ENPP1: variants seen among roughly 807,000 people sequenced by gnomAD.
ENPP1 encodes ectonucleotide pyrophosphatase/phosphodiesterase 1, also known as ectonucleotide pyrophosphatase/phosphodiesterase family member 1.
In ENPP1, 73 loss-of-function variants were observed where a neutral mutation model predicts 122.8. The observed-to-expected ratio is 0.59, with a 90% CI of 0.49 to 0.72. ENPP1 has a LOEUF of 0.72. ENPP1 is among the 30% of genes least tolerant of loss of function. The pLI, the probability that ENPP1 is intolerant of heterozygous loss-of-function variation, is 0.00. For synonymous variants in ENPP1, 367 were observed against 391.6 expected, an observed-to-expected ratio of 0.94 and a Z score of 0.74; for missense variants, 978 against 1,128.1, an observed-to-expected ratio of 0.87 and a Z score of 1.91.
rs151176161 is a variant in ENPP1 at position 131,880,062 on chromosome 6, G to A, written c.2100+28G>A. 5.0e-5 allele frequency: 80 copies of A among 1,606,024 alleles called. No individual in the cohort carries two copies. In the East Asian group the frequency reaches 1.7e-3, roughly 35 times the overall value. The stretch of plus-strand genomic sequence containing the variant: ...AAGTATTTGTCACCTCTTTATGTGT[G>A]GCCATTTCAAATTAATGATTAAGCA... On this transcript the variant is annotated intron_variant, in intron 20 of 24. Transcript: ENST00000647893.
At chr6:131,867,988 T>A in intron 11 of ENPP1, 30 bp from the exon 12 acceptor site, 3 of 1,325,310 alleles carry the variant, frequency 2.3e-6, no homozygotes, top group Non-Finnish European at 3.3e-6. Context: ...GTGGAAGGTA[T>A]CACATGAGGT....
At chr6:131,882,784 G>A (rs1782329855) in intron 21 of ENPP1, among the ~76,000 whole-genome samples, 1 of 151,394 alleles carries the variant, frequency 6.6e-6, no homozygotes, top group African/African-American at 2.4e-5. Context: ...TTTTTGTTGG[G>A]AGGGTAGTTG....
chr6:131,882,383 C>T lies in ENPP1; in HGVS notation c.2139C>T (p.Tyr713=). The T allele has an allele frequency of 1.2e-6, 2 of 1,605,104 alleles. No homozygotes were observed. Among genetic ancestry groups the T allele is most frequent in the African/African-American group, 1.3e-5 (1 of 74,638 alleles). ...CGGAAGACTTCTCCAACTGTCTGTACCAGGACTTTAGAATTCCTCTTAGTC... is the reference window on the plus strand; with the variant it reads ...CGGAAGACTTCTCCAACTGTCTGTATCAGGACTTTAGAATTCCTCTTAGTC... ...FSTEDFSNCL[Y]QDFRIPLSPV... The change falls in exon 21 of 25, where the codon TAC becomes TAT. Residue 713 remains tyrosine (Y), a synonymous_variant. Coordinates refer to ENST00000647893, the MANE Select transcript of ENPP1 (RefSeq NM_006208.3).
At position 131,890,366 on chromosome 6, in the gene ENPP1, T is replaced by C. The variant is rs754251347; in HGVS notation, c.2633T>C (p.Val878Ala). Residue 878 changes from valine (V) to alanine (A), a missense_variant, in exon 25 of 25, where the codon GTT becomes GCT. Coordinates refer to ENST00000647893, the MANE Select transcript of ENPP1 (RefSeq NM_006208.3). ...CVHGKHDSSW[V>A]EELLMLHRAR... ...CATGGGAAGCATGACTCCTCATGGG[T>C]TGAAGAATTGTTAATGTTACACAGA... is the stretch of plus-strand genomic sequence containing the variant. The C allele has an allele frequency of 2.9e-5, 47 of 1,613,896 alleles. No individual in the cohort carries two copies. Among genetic ancestry groups the C allele is most frequent in the Admixed American group, 2.7e-4 (16 of 60,014 alleles).
intron 1 of ENPP1, among the ~76,000 whole-genome samples, chr6:131,810,840 G>A (rs114152787): frequency 0.015 from 2,298 of 152,236 alleles, 68 homozygotes; most frequent in African/African-American, 0.053. Context: ...GTGGATGAAG[G>A]AGTGAGGATT....
chr6:131,812,848 G>T (rs983941556), intron 1 of ENPP1, among the ~76,000 whole-genome samples: 1 of 150,844 alleles, frequency 6.6e-6, no homozygotes. Context: ...CATATTCAGA[G>T]ATTTTTTTTT....
At chr6:131,809,339 C>T (rs1169008601) in intron 1 of ENPP1, among the ~76,000 whole-genome samples, 1 of 151,988 alleles carries the variant, frequency 6.6e-6, no homozygotes, top group African/African-American at 2.4e-5. Context: ...TATGCATTTC[C>T]ATTTTCACTA....
At chr6:131,810,457 C>CA (rs1407748393) in intron 1 of ENPP1, among the ~76,000 whole-genome samples, 15 of 147,230 alleles carry the variant, frequency 1.0e-4, no homozygotes, top group Admixed American at 7.5e-4. Context: ...CGCCCCCCCC[C>CA]CAAAAACTTC....
intron 4 of ENPP1, 30 bp downstream of exon 4, chr6:131,851,297 C>G (rs748460070): frequency 1.2e-6 from 2 of 1,613,836 alleles, no homozygotes; most frequent in Non-Finnish European, 1.7e-6. Flanking sequence ...CTGCAGCAGC[C>G]TGGTATCTTC....
In ENPP1 at chr6:131,823,976, T is replaced by C. The variant is rs149347330; in HGVS notation, c.240+15701T>C. 5.2e-3 allele frequency among the ~76,000 whole-genome samples: 787 copies of C among 150,666 alleles called. 7 individuals carry two copies. The highest frequency in any genetic ancestry group is 0.018 in the African/African-American group (727 of 40,900). On this transcript the variant is annotated intron_variant, in intron 1 of 24. Transcript: ENST00000647893. ...AGAGTGCCTGATACTAGATGGTAGA[T>C]CGGGGTTCAATATTGTTATTGCTAT...
At chr6:131,879,751 AG>A in intron 19 of ENPP1, 128 bp from the exon 20 acceptor site, 4 of 810,200 alleles carry the variant, frequency 4.9e-6, no homozygotes, top group Non-Finnish European at 8.1e-6. Flanking sequence ...CTTTGTAATC[AG>A]TTTTTTTAAT....
In ENPP1 at chr6:131,890,395, CG is replaced by C. The variant is rs2114737043; in HGVS notation, c.2664del (p.Ile889SerfsTer24). The C allele has an allele frequency of 3.7e-6, 6 of 1,613,054 alleles. No individual in the cohort carries two copies. The highest frequency in any genetic ancestry group is 5.1e-6 in the Non-Finnish European group (6 of 1,179,072). On this transcript the variant is annotated frameshift_variant, in exon 25 of 25. Transcript: ENST00000647893. LOFTEE classifies it high-confidence loss of function. ...AGAATTGTTAATGTTACACAGAGCA[CG>C]GATCACAGATGTTGAGCACATCACT... ...VEELLMLHRA[R>X]ITDVEHITGL...
chr6:131,885,296 A>G (rs1319943500), intron 23 of ENPP1, among the ~76,000 whole-genome samples: 1 of 152,242 alleles, frequency 6.6e-6, no homozygotes, highest in Non-Finnish European at 1.5e-5. Context: ...CATTCAGTTC[A>G]GTTGAATAAT....
Position 131,811,450 on chromosome 6 carries a change from C to A in ENPP1, c.240+3175C>A, listed in dbSNP as rs778213217. 3.9e-5 allele frequency among the ~76,000 whole-genome samples: 5 copies of A among 127,416 alleles called. No homozygotes were observed. In the East Asian group the frequency reaches 6.2e-4, roughly 16 times the overall value. 83.6% of individuals were successfully genotyped at this position (127,416 alleles called of 152,430 possible). On this transcript the variant is annotated intron_variant, in intron 1 of 24. Coordinates refer to ENST00000647893, the MANE Select transcript of ENPP1 (RefSeq NM_006208.3). ...TATATCTATATATATGTAGAGAGTCCGTTTGGCTCAAGTTTGAGGACTGCA... is the reference window on the plus strand; with the variant it reads ...TATATCTATATATATGTAGAGAGTCAGTTTGGCTCAAGTTTGAGGACTGCA...
chr6:131,834,304 A>G lies in ENPP1; in HGVS notation c.241-13472A>G, dbSNP rs568092907. ...AATGAGCATGACAGAAGAGGAGAAT[A>G]ATTGCCCTAGAAATATCAGCTGTCT... On this transcript the variant is annotated intron_variant, in intron 1 of 24. Coordinates refer to ENST00000647893, the MANE Select transcript of ENPP1 (RefSeq NM_006208.3). Among the ~76,000 whole-genome samples the G allele has an allele frequency of 2.0e-5, 3 of 152,290 alleles. No individual in the cohort carries two copies. In the South Asian group the frequency reaches 6.2e-4, roughly 32 times the overall value.
Position 131,887,833 on chromosome 6 carries a change from G to A in ENPP1, c.2607+1109G>A, listed in dbSNP as rs1413216534. ...ACCCGCCTTGTCCTTCCAAAATGCT[G>A]GGATTACAGGCGTGAGCCACCGTGC... is the stretch of plus-strand genomic sequence containing the variant. On this transcript the variant is annotated intron_variant, in intron 24 of 24. Coordinates refer to ENST00000647893, the MANE Select transcript of ENPP1 (RefSeq NM_006208.3). 6.8e-5 allele frequency among the ~76,000 whole-genome samples: 10 copies of A among 147,222 alleles called. No individual in the cohort carries two copies. The East Asian group carries it at 2.0e-3, about 29-fold the overall frequency.
chr6:131,840,142 G>C (rs1204780911), intron 1 of ENPP1, among the ~76,000 whole-genome samples: 2 of 152,184 alleles, frequency 1.3e-5, no homozygotes, highest in Non-Finnish European at 2.9e-5. Context: ...AGATAGATAT[G>C]AATCTGTAGA....
intron 9 of ENPP1, among the ~76,000 whole-genome samples, chr6:131,862,547 G>C (rs2114704395): frequency 6.6e-6 from 1 of 152,316 alleles, no homozygotes; most frequent in East Asian, 1.9e-4. Flanking sequence ...TAATTTGGCA[G>C]ACAGGAGTTC....
intron 7 of ENPP1, among the ~76,000 whole-genome samples, chr6:131,859,602 G>GGGGACTGAACAAAGT (rs56314915): frequency 0.95 from 143,366 of 151,424 alleles, 67,952 homozygotes; most frequent in East Asian, 1. Context: ...CCGGACCTAG[G>GGGGACTGAACAAAGT]GGCGGATGGG....
Sources: gnomAD v4.1 joint callset for allele counts (sites outside exome capture counted in the v4.1 genomes callset) on GRCh38, gnomAD v4.1.1 for gene constraint, MANE v1.5 for transcripts, NCBI Gene and HGNC (gene_info 2026-07-23, HGNC 2026-07-21) for gene names.